Variants in MYCBP2 observed in about 807,000 individuals in gnomAD.
MYCBP2 encodes MYC binding protein 2.
In MYCBP2, 120 loss-of-function variants were observed where a neutral mutation model predicts 525.3. The observed-to-expected ratio is 0.23, with a 90% CI of 0.20 to 0.27. MYCBP2 has a LOEUF of 0.27. MYCBP2 is among the 10% of genes least tolerant of loss of function. MYCBP2 has a pLI of 1.00. For synonymous variants in MYCBP2, 1,894 were observed against 1,955.8 expected (o/e 0.97, Z 0.83); for missense variants, 4,149 against 5,657.1 (o/e 0.73, Z 8.55).
At chr13:77,047,461 G>A (rs1345833706) in intron 82 of MYCBP2, among the ~76,000 whole-genome samples, 1 of 152,092 alleles carries the variant, frequency 6.6e-6, no homozygotes, top group Non-Finnish European at 1.5e-5. Flanking sequence ...GGATGTTTTT[G>A]TGCTCCTCCA....
chr13:77,191,571 T>C (rs569407380), intron 28 of MYCBP2, 108 bp downstream of exon 28: 661 of 1,292,574 alleles, frequency 5.1e-4, no homozygotes, highest in Non-Finnish European at 6.8e-4. Flanking sequence ...TATTATGCTC[T>C]AGTCTTCCTA....
intron 54 of MYCBP2, among the ~76,000 whole-genome samples, chr13:77,124,649 T>A (rs2051338870): frequency 6.6e-6 from 1 of 152,126 alleles, no homozygotes; most frequent in South Asian, 2.1e-4. Context: ...GAAATAAACA[T>A]GAACTTCACT....
At chr13:77,151,356 T>C (rs1051819735) in intron 46 of MYCBP2, among the ~76,000 whole-genome samples, 1 of 152,222 alleles carries the variant, frequency 6.6e-6, no homozygotes, top group Admixed American at 6.5e-5. Flanking sequence ...TAATGTCAGT[T>C]TGAGCTGCAC....
chr13:77,211,095 T>A (rs2057633292), intron 23 of MYCBP2, 72 bp downstream of exon 23: 2 of 1,220,728 alleles, frequency 1.6e-6, no homozygotes, highest in African/African-American at 3.1e-5. Context: ...CACCTGTAAA[T>A]AAAGTTTATA....
intron 7 of MYCBP2, among the ~76,000 whole-genome samples, chr13:77,269,291 T>C (rs917342335): frequency 6.6e-6 from 1 of 152,194 alleles, no homozygotes; most frequent in African/African-American, 2.4e-5. Flanking sequence ...AAAGAGTCTG[T>C]GGTAAGAAAC....
rs35674265 is a variant in MYCBP2, at chr13:77,055,619, T to C, written c.13586A>G (p.Asn4529Ser). The stretch of plus-strand genomic sequence containing the variant: ...ATTCATTGCATAGCCAGCTGGGTCA[T>C]TATAAAACCTCACACCAGGAGTTGT... ...AITTPGVRFY[N>S]DPAGYAMNRY... Residue 4529 changes from asparagine to serine, a missense_variant, in exon 80 of 83, where the codon AAT becomes AGT. Physicochemically the swap from Asn to Ser is conservative, Grantham distance 46. Transcript: ENST00000544440. The C allele has an allele frequency of 9.3e-6, 15 of 1,614,008 alleles. No homozygotes were observed. The African/African-American group carries it at 1.9e-4, about 20-fold the overall frequency.
chr13:77,097,441 T>G lies in MYCBP2; in HGVS notation c.9713A>C (p.Asp3238Ala). The G allele has an allele frequency of 6.2e-7, 1 of 1,613,592 alleles. No individual in the cohort carries two copies. The highest frequency in any genetic ancestry group is 8.5e-7 in the Non-Finnish European group (1 of 1,179,752). Residue 3238 changes from aspartate to alanine, a missense_variant, in exon 56 of 83, where the codon GAT (aspartate) becomes GCT (alanine). Around this residue, in one of 21 missense-constraint regions of MYCBP2, gnomAD observed 653 missense variants for 744.7 expected, o/e 0.88. Coordinates refer to ENST00000544440, the MANE Select transcript of MYCBP2 (RefSeq NM_015057.5). ...AQLAVGGPEKDTICELCGESH... is the reference protein window; with the variant it reads ...AQLAVGGPEKATICELCGESH... ...CTCCCCACACAGTTCACAGATGGTA[T>G]CTTTCTCTGGTCCTCCTACTGCCAG...
chr13:77,292,010 C>G (rs1196376954), intron 2 of MYCBP2, among the ~76,000 whole-genome samples: 1 of 152,152 alleles, frequency 6.6e-6, no homozygotes, highest in Non-Finnish European at 1.5e-5. Flanking sequence ...TCTGCATGTA[C>G]GAACATCAAG....
At chr13:77,212,960 G>A (rs1409807949) in intron 21 of MYCBP2, among the ~76,000 whole-genome samples, 1 of 152,090 alleles carries the variant, frequency 6.6e-6, no homozygotes, top group Admixed American at 6.5e-5. Flanking sequence ...GGAGCACTGC[G>A]AACACTCTGG....
chr13:77,192,068 T>A (rs2061348139), intron 27 of MYCBP2, among the ~76,000 whole-genome samples: 1 of 152,254 alleles, frequency 6.6e-6, no homozygotes, highest in Non-Finnish European at 1.5e-5. Flanking sequence ...TATAAAACTT[T>A]CATATTAAAA....
intron 26 of MYCBP2, among the ~76,000 whole-genome samples, chr13:77,196,964 A>T (rs2061822624): frequency 6.6e-6 from 1 of 152,242 alleles, no homozygotes; most frequent in African/African-American, 2.4e-5. Context: ...GAAGTCAGGA[A>T]GATGATGAGC....
rs570208733 is a variant in MYCBP2, at chr13:77,073,766, A to C, written c.11823+2985T>G. Among the ~76,000 whole-genome samples the C allele has an allele frequency of 3.3e-5, 5 of 152,294 alleles. No homozygotes were observed. The South Asian group carries it at 1.0e-3, about 32-fold the overall frequency. The stretch of plus-strand genomic sequence containing the variant: ...ATGAACAATTGGAAAGTGAAATAAA[A>C]AATACCATTTACAATAGCTTTACAA... On this transcript the variant is annotated intron_variant, in intron 68 of 82. Coordinates refer to ENST00000544440, the MANE Select transcript of MYCBP2 (RefSeq NM_015057.5).
rs958009536 is a variant in MYCBP2, at chr13:77,158,239, C to T, written c.6598-130G>A. The T allele has an allele frequency of 6.0e-6, 3 of 500,550 alleles. No homozygotes were observed. In the African/African-American group the frequency reaches 6.0e-5, roughly 10 times the overall value. 31.0% of individuals were successfully genotyped at this position (500,550 alleles called of 1,614,324 possible). ...CATTTTCTCCACGTACCCCACTGTT[C>T]CTTCTTTTAACCCACAGAATAGGAA... On this transcript the variant is annotated intron_variant, in intron 44 of 82. Transcript: ENST00000544440.
At chr13:77,141,598 C>T (rs140357805) in intron 49 of MYCBP2, among the ~76,000 whole-genome samples, 1,943 of 151,998 alleles carry the variant, frequency 0.013, 36 homozygotes, top group African/African-American at 0.044. Flanking sequence ...TAGTGAAACC[C>T]CATCTCTACT....
chr13:77,278,995 TC>T, intron 3 of MYCBP2, 84 bp from the exon 4 acceptor site: 1 of 916,720 alleles, frequency 1.1e-6, no homozygotes, highest in Non-Finnish European at 1.5e-6. Flanking sequence ...ACAAGTTACT[TC>T]CACAGCAAAT....
chr13:77,051,945 A>G lies in MYCBP2; in HGVS notation c.13648-27T>C, dbSNP rs1420456569. 12 of 1,587,014 alleles carry G rather than the reference A, an allele frequency of 7.6e-6. No individual in the cohort carries two copies. The African/African-American group carries it at 8.1e-5, about 11-fold the overall frequency. On this transcript the variant is annotated intron_variant, in intron 80 of 82. Transcript: ENST00000544440. ...TGTGGAGAAAACACATCTAGATTAC[A>G]GCAGGAAAAAAGAAAACTCTGGCAT...
chr13:77,048,518 T>A (rs1035683328), intron 82 of MYCBP2, among the ~76,000 whole-genome samples: 16 of 152,176 alleles, frequency 1.1e-4, no homozygotes, highest in African/African-American at 3.6e-4. Flanking sequence ...CCCTGTGGGA[T>A]CTCCTTTATT....
chr13:77,215,912 A>T (rs1276087962), intron 21 of MYCBP2, among the ~76,000 whole-genome samples: 2 of 152,200 alleles, frequency 1.3e-5, no homozygotes, highest in East Asian at 3.8e-4. Context: ...ATATATGTGG[A>T]CATATAAATA....
chr13:77,062,677 G>A lies in MYCBP2; in HGVS notation c.12693C>T (p.Ser4231=), dbSNP rs2039510373. 1.9e-6 allele frequency: 3 copies of A among 1,613,992 alleles called. No individual in the cohort carries two copies. Among genetic ancestry groups the A allele is most frequent in the Non-Finnish European group, 2.5e-6 (3 of 1,179,986 alleles). The change falls in exon 74 of 83, where the codon TCC becomes TCT. Residue 4231 remains serine, a synonymous_variant. Transcript: ENST00000544440. ...CGTGGTCCTGATCAAGAACACATAG[G>A]GATGCGAGAGCAAGCCAGAGCTGTT... ...ATTRLWLALA[S]LCVLDQDHVD... is the part of the protein sequence containing the mutation.
Sources: gnomAD v4.1 joint callset for allele counts (sites outside exome capture counted in the v4.1 genomes callset) on GRCh38, gnomAD v4.1.1 for gene constraint, gnomAD v4.1.1 regional missense constraint, MANE v1.5 for transcripts, NCBI Gene and HGNC (gene_info 2026-07-23, HGNC 2026-07-21) for gene names.